Variants in NSG1 observed in about 807,000 individuals in gnomAD.
The protein encoded by NSG1 is neuronal vesicle trafficking-associated protein 1.
NSG1 carries 9 observed loss-of-function variants against 19.3 expected under a neutral mutation model. The ratio of observed to expected loss-of-function variants is 0.47; its 90% confidence interval spans 0.28 to 0.81. The LOEUF (loss-of-function observed/expected upper bound fraction) is 0.81. Among genes scored for constraint, NSG1 ranks in the 40% least tolerant of loss-of-function variants. NSG1 has a pLI of 0.11. For synonymous variants in NSG1, 104 were observed against 107.0 expected (o/e 0.97, Z 0.17); for missense variants, 236 against 242.4 (o/e 0.97, Z 0.18).
chr4:4,416,070 A>G (rs1724515575), intron 4 of NSG1: 5 of 702,250 alleles, frequency 7.1e-6, no homozygotes, highest in Non-Finnish European at 1.3e-5. Context: ...CCTGGGGCAC[A>G]TCCTGGCTTC....
intron 4 of NSG1, among the ~76,000 whole-genome samples, 194 bp downstream of exon 4, chr4:4,409,877 G>A (rs186502625): frequency 5.3e-5 from 8 of 152,294 alleles, no homozygotes; most frequent in Admixed American, 2.0e-4. Flanking sequence ...GGGGGCACAT[G>A]AGACCCACAG....
intron 2 of NSG1, 133 bp from the exon 3 acceptor site, chr4:4,391,342 A>C (rs755704136): frequency 6.2e-6 from 4 of 646,880 alleles, no homozygotes; most frequent in Non-Finnish European, 1.1e-5. Flanking sequence ...TCCAAAAAGT[A>C]GTGGCTGTTC....
At chr4:4,415,305 C>T (rs1724462694) in intron 4 of NSG1, among the ~76,000 whole-genome samples, 1 of 152,172 alleles carries the variant, frequency 6.6e-6, no homozygotes, top group African/African-American at 2.4e-5. Flanking sequence ...CAAGACAGGT[C>T]CGTCATCAGC....
chr4:4,389,305 G>A (rs1470914419), intron 2 of NSG1, among the ~76,000 whole-genome samples: 3 of 152,322 alleles, frequency 2.0e-5, no homozygotes, highest in South Asian at 2.1e-4. Context: ...TAGGCAGCTC[G>A]GAAAGGTGAT....
intron 4 of NSG1, among the ~76,000 whole-genome samples, chr4:4,411,776 A>ACACAACACAACACAAC (rs1553819745): frequency 0.036 from 4,711 of 132,570 alleles, 269 homozygotes; most frequent in African/African-American, 0.12. Context: ...AACAAAACAA[A>ACACAACACAACACAAC]ACAAAACAAA....
intron 3 of NSG1, among the ~76,000 whole-genome samples, chr4:4,397,553 T>C (rs1329067218): frequency 2.0e-5 from 3 of 152,204 alleles, no homozygotes; most frequent in African/African-American, 4.8e-5. Flanking sequence ...CAGCCAGTGC[T>C]GAGGCCGCTC....
intron 4 of NSG1, among the ~76,000 whole-genome samples, chr4:4,413,237 G>T (rs1357429253): frequency 1.3e-5 from 2 of 151,942 alleles, no homozygotes; most frequent in Non-Finnish European, 2.9e-5. Flanking sequence ...AGACAGACAG[G>T]AAAGAGGGCC....
chr4:4,391,323 G>T (rs1188005517), intron 2 of NSG1, 152 bp from the exon 3 acceptor site: 2 of 618,690 alleles, frequency 3.2e-6, no homozygotes, highest in African/African-American at 3.7e-5. Context: ...TCCTGCCACA[G>T]AGGAGATTTC....
chr4:4,403,033 C>G (rs1478015407), intron 3 of NSG1, among the ~76,000 whole-genome samples: 2 of 152,220 alleles, frequency 1.3e-5, no homozygotes, highest in Non-Finnish European at 2.9e-5. Flanking sequence ...GGGTCGGCTC[C>G]AGGTGTCCAA....
At chr4:4,404,395 G>A (rs1180777983) in intron 3 of NSG1, among the ~76,000 whole-genome samples, 1 of 152,234 alleles carries the variant, frequency 6.6e-6, no homozygotes, top group Non-Finnish European at 1.5e-5. Context: ...CATAGACGCA[G>A]GTGCTGGGCC....
chr4:4,410,184 C>A (rs1034870742), intron 4 of NSG1, among the ~76,000 whole-genome samples: 1 of 152,170 alleles, frequency 6.6e-6, no homozygotes, highest in Non-Finnish European at 1.5e-5. Context: ...TGACCTGTGT[C>A]CCTCTCCTGC....
chr4:4,418,167 C>A lies in NSG1; in HGVS notation c.*732C>A, dbSNP rs544336589. On this transcript the variant is annotated 3_prime_UTR_variant, in exon 5 of 5. Coordinates refer to ENST00000621129, the MANE Select transcript of NSG1 (RefSeq NM_014392.5). ...TGTGAGGGAGAGGGCTGGGAAGAGA[C>A]GGCCCTGGGCCCGTGAGGTGCAGAA... The A allele has an allele frequency of 6.5e-6, 1 of 152,780 alleles. No homozygotes were observed. Among genetic ancestry groups the A allele is most frequent in the Non-Finnish European group, 1.5e-5 (1 of 68,526 alleles). 9.5% of individuals were successfully genotyped at this position (152,780 alleles called of 1,614,324 possible). A position where few individuals can be genotyped will look rare whatever the true frequency, so the allele number is the denominator to read the frequency against.
At chr4:4,399,039 T>C (rs1355783003) in intron 3 of NSG1, among the ~76,000 whole-genome samples, 1 of 152,278 alleles carries the variant, frequency 6.6e-6, no homozygotes, top group African/African-American at 2.4e-5. Flanking sequence ...TAATGGCTAA[T>C]GATGTCCTGC....
intron 2 of NSG1, among the ~76,000 whole-genome samples, chr4:4,388,073 C>CTTGCCCCGCAGCTGCCCTGCTCCTCCT (rs1722828312): frequency 6.6e-6 from 1 of 152,248 alleles, no homozygotes; most frequent in Non-Finnish European, 1.5e-5. Flanking sequence ...CTGCTCCTCC[C>CTTGCCCCGCAGCTGCCCTGCTCCTCCT]TTGCCCCGTG....
intron 3 of NSG1, among the ~76,000 whole-genome samples, chr4:4,394,456 G>A (rs1037748360): frequency 2.6e-5 from 4 of 152,074 alleles, no homozygotes. Flanking sequence ...GAGGGTCTGG[G>A]TTGGGCTGTC....
intron 3 of NSG1, among the ~76,000 whole-genome samples, chr4:4,404,264 C>T (rs113320886): frequency 2.0e-5 from 3 of 152,244 alleles, no homozygotes; most frequent in Non-Finnish European, 2.9e-5. Flanking sequence ...CGGTCTCCAG[C>T]TTCTGCCCAG....
chr4:4,387,561 C>CCCGGGGGG, intron 1 of NSG1, 43 bp from the exon 2 acceptor site: 2 of 1,141,988 alleles, frequency 1.8e-6, no homozygotes, highest in East Asian at 2.7e-5. Context: ...CGCCCCGCCC[C>CCCGGGGGG]GGGTCTTGCT....
intron 3 of NSG1, among the ~76,000 whole-genome samples, chr4:4,393,987 G>A (rs13149744): frequency 0.52 from 78,504 of 151,774 alleles, 22,180 homozygotes; most frequent in East Asian, 0.66. Context: ...ATCTAACAGT[G>A]ACGGAGTGAT....
chr4:4,392,074 GCA>G (rs1039062916), intron 3 of NSG1, among the ~76,000 whole-genome samples: 2 of 151,718 alleles, frequency 1.3e-5, no homozygotes, highest in African/African-American at 4.8e-5. Context: ...AAAGGTTGAG[GCA>G]CAGAGTGGTC....
Sources: allele counts gnomAD v4.1 joint callset (sites outside exome capture counted in the v4.1 genomes callset), GRCh38; gene constraint gnomAD v4.1.1; transcripts MANE v1.5; gene names NCBI Gene and HGNC (gene_info 2026-07-23, HGNC 2026-07-21).